Variants in MYO16 observed in about 807,000 individuals in gnomAD.
MYO16 encodes myosin XVI, also known as unconventional myosin-XVI.
A neutral mutation model predicts 205.3 loss-of-function variants in MYO16; 94 were observed. That is an observed-to-expected ratio of 0.46 (90% confidence interval 0.39 to 0.54). The LOEUF (loss-of-function observed/expected upper bound fraction) is 0.54. Ranked by LOEUF, MYO16 falls within the 20% of genes least tolerant of loss-of-function variation. The probability of loss-of-function intolerance (pLI) is 0.00; values close to 1 mark genes in which losing one functional copy is unlikely to be tolerated. For synonymous variants in MYO16, 988 were observed against 954.0 expected (o/e 1.04, Z -0.66); for missense variants, 2,315 against 2,387.5 (o/e 0.97, Z 0.63).
chr13:108,733,108 T>C (rs1300015327), intron 4 of MYO16, among the ~76,000 whole-genome samples: 2 of 152,164 alleles, frequency 1.3e-5, no homozygotes, highest in Non-Finnish European at 2.9e-5. Context: ...TGTGAGGTGA[T>C]TTATTCTGAG....
the MYO16 span, among the ~76,000 whole-genome samples, chr13:108,559,063 T>C: frequency 1.3e-5 from 2 of 152,032 alleles, no homozygotes; most frequent in Non-Finnish European, 2.9e-5. Flanking sequence ...CTGGAAAATG[T>C]TGAAGTCCTA....
At chr13:109,103,567 A>T (rs2139720152) in intron 28 of MYO16, among the ~76,000 whole-genome samples, 1 of 152,336 alleles carries the variant, frequency 6.6e-6, no homozygotes, top group African/African-American at 2.4e-5. Flanking sequence ...CTTTTAACTG[A>T]AAATAGTAAT....
chr13:109,037,803 G>A (rs545479084), intron 23 of MYO16, among the ~76,000 whole-genome samples: 1 of 152,238 alleles, frequency 6.6e-6, no homozygotes, highest in Non-Finnish European at 1.5e-5. Flanking sequence ...CAGGCCCTGG[G>A]GCTTGTTGAA....
At chr13:109,101,049 T>C (rs1888949282) in intron 28 of MYO16, among the ~76,000 whole-genome samples, 162 bp downstream of exon 28, 1 of 152,238 alleles carries the variant, frequency 6.6e-6, no homozygotes, top group Admixed American at 6.5e-5. Flanking sequence ...TGTCATTCTT[T>C]ATGACTTACC....
chr13:108,566,615 G>A, the MYO16 span, among the ~76,000 whole-genome samples: 38 of 150,742 alleles, frequency 2.5e-4, no homozygotes, highest in Non-Finnish European at 5.0e-4. Context: ...CTGGGTAATA[G>A]AGTGAGACTG....
At chr13:108,936,843 A>G (rs1020804595) in intron 16 of MYO16, among the ~76,000 whole-genome samples, 5 of 152,166 alleles carry the variant, frequency 3.3e-5, no homozygotes, top group Non-Finnish European at 4.4e-5. Context: ...TAGACTATTT[A>G]CATTCAAGGT....
chr13:108,714,082 AGT>A (rs1883829716), intron 3 of MYO16, among the ~76,000 whole-genome samples: 1 of 152,058 alleles, frequency 6.6e-6, no homozygotes, highest in South Asian at 2.1e-4. Context: ...GTTGAGACAG[AGT>A]CTCACTCTGT....
intron 34 of MYO16, among the ~76,000 whole-genome samples, chr13:109,191,986 T>C (rs1566557088): frequency 1.3e-5 from 2 of 152,312 alleles, no homozygotes; most frequent in African/African-American, 2.4e-5. Flanking sequence ...CTGGACCCCA[T>C]ATTTCTGATA....
chr13:108,750,513 A>G (rs1885197749), intron 4 of MYO16, among the ~76,000 whole-genome samples: 1 of 149,762 alleles, frequency 6.7e-6, no homozygotes, highest in Non-Finnish European at 1.5e-5. Context: ...TCACACTTAT[A>G]TTCCCAGCAC....
chr13:108,893,636 A>G (rs9521088), intron 14 of MYO16, among the ~76,000 whole-genome samples: 38,597 of 152,126 alleles, frequency 0.25, 5,109 homozygotes, highest in African/African-American at 0.28. Context: ...AGGAAAGTTC[A>G]CTAGGTGGCC....
chr13:108,694,152 A>G (rs1409847790), intron 2 of MYO16, among the ~76,000 whole-genome samples: 2 of 152,172 alleles, frequency 1.3e-5, no homozygotes, highest in Non-Finnish European at 2.9e-5. Flanking sequence ...GCTATTGTGA[A>G]TAGTGCTGCA....
rs141822029 is a variant in MYO16 at position 108,927,116 on chromosome 13, A to AAGAG, written c.1925+16986_1925+16989dup. ...AGGTGAAGCCATCTGTCAACAACTGAAGAGAGAGAGAGAGAGAGAGAGACT... is the reference window on the plus strand; with the variant it reads ...AGGTGAAGCCATCTGTCAACAACTGAAGAGAGAGAGAGAGAGAGAGAGAGAGACT... On this transcript the variant is annotated intron_variant, in intron 16 of 34. Coordinates refer to ENST00000457511, the MANE Select transcript of MYO16 (RefSeq NM_001198950.3). Among the ~76,000 whole-genome samples, 376 of 149,528 alleles carry AAGAG rather than the reference A, an allele frequency of 2.5e-3. 2 individuals are homozygous for AAGAG. Among genetic ancestry groups the AAGAG allele is most frequent in the African/African-American group, 7.3e-3 (298 of 40,774 alleles).
intron 1 of MYO16, among the ~76,000 whole-genome samples, chr13:108,661,509 T>C (rs1172343905): frequency 6.6e-6 from 1 of 152,118 alleles, no homozygotes. Context: ...CTTTGTTGGA[T>C]TGGGTTAATT....
intron 2 of MYO16, among the ~76,000 whole-genome samples, chr13:108,690,141 C>T (rs1264135276): frequency 6.6e-6 from 1 of 151,942 alleles, no homozygotes; most frequent in Non-Finnish European, 1.5e-5. Flanking sequence ...GGATACCATG[C>T]AAAACAAAAC....
the MYO16 span, among the ~76,000 whole-genome samples, chr13:108,497,112 A>G: frequency 2.0e-5 from 3 of 152,178 alleles, no homozygotes; most frequent in South Asian, 6.2e-4. Context: ...CTTAGAATCT[A>G]GAGGAAGAAC....
Position 109,000,605 on chromosome 13 carries a change from C to T in MYO16, c.2442+8157C>T, listed in dbSNP as rs140284081. Among the ~76,000 whole-genome samples the T allele has an allele frequency of 4.0e-3, 611 of 152,152 alleles. 25 individuals carry two copies. The highest frequency in any genetic ancestry group is 0.037 in the Admixed American group (563 of 15,280). ...AAGCATATTGATTAGAAGTTTATTA[C>T]TAAACAAGAAAACAAACTTTTTTTT... On this transcript the variant is annotated intron_variant, in intron 21 of 34. Transcript: ENST00000457511.
chr13:108,881,695 A>T (rs1879626857), intron 12 of MYO16, among the ~76,000 whole-genome samples: 1 of 152,224 alleles, frequency 6.6e-6, no homozygotes, highest in Non-Finnish European at 1.5e-5. Flanking sequence ...AAAGGGTATC[A>T]GTGATTGAAG....
At chr13:108,940,807 ATTGTATATACTATACTGC>A (rs1252080951) in intron 16 of MYO16, among the ~76,000 whole-genome samples, 1 of 152,234 alleles carries the variant, frequency 6.6e-6, no homozygotes, top group African/African-American at 2.4e-5. Flanking sequence ...GAAGTGCAGA[ATTGTATATACTATACTGC>A]AAATACAATT....
At chr13:108,899,168 A>T (rs1221830095) in intron 15 of MYO16, among the ~76,000 whole-genome samples, 1 of 152,220 alleles carries the variant, frequency 6.6e-6, no homozygotes, top group African/African-American at 2.4e-5. Flanking sequence ...TCACGCCTGA[A>T]ATCCCAGCAC....
Sources: allele counts gnomAD v4.1 joint callset (sites outside exome capture counted in the v4.1 genomes callset), GRCh38; gene constraint gnomAD v4.1.1; transcripts MANE v1.5; gene names NCBI Gene and HGNC (gene_info 2026-07-23, HGNC 2026-07-21).